Variants in GFM1 observed in about 807,000 individuals in gnomAD.
GFM1 encodes G elongation factor mitochondrial 1, also known as elongation factor G, mitochondrial.
In GFM1, 62 loss-of-function variants were observed where a neutral mutation model predicts 96.2. The ratio of observed to expected loss-of-function variants is 0.64; its 90% confidence interval spans 0.53 to 0.80. The LOEUF (loss-of-function observed/expected upper bound fraction) is 0.80, where lower values mean the gene tolerates loss of function less well. GFM1 is among the 30% of genes least tolerant of loss of function. The pLI, the probability that GFM1 is intolerant of heterozygous loss-of-function variation, is 0.00. For missense variants in GFM1, 852 were observed against 916.6 expected (o/e 0.93, Z 0.91); for synonymous variants, 282 against 312.9 (o/e 0.90, Z 1.04).
intron 14 of GFM1, among the ~76,000 whole-genome samples, chr3:158,682,946 G>T (rs2108098475): frequency 6.6e-6 from 1 of 151,450 alleles, no homozygotes; most frequent in East Asian, 2.0e-4. Context: ...GAGATGGGAG[G>T]ATTGCTTGAG....
At chr3:158,652,315 A>C in intron 6 of GFM1, 69 bp downstream of exon 6, 1 of 1,332,784 alleles carries the variant, frequency 7.5e-7, no homozygotes, top group Non-Finnish European at 1.1e-6. Flanking sequence ...TAGGGAGGGG[A>C]CATGATGCTT....
At chr3:158,653,588 A>G (rs1415201146) in intron 7 of GFM1, 121 bp downstream of exon 7, 8 of 762,108 alleles carry the variant, frequency 1.0e-5, no homozygotes, top group South Asian at 3.4e-5. Context: ...ATTTACAATC[A>G]TGGTTTTTAT....
Position 158,644,595 on chromosome 3 carries a change from C to G in GFM1, c.-40C>G, listed in dbSNP as rs757131337. 6.5e-7 allele frequency: 1 copy of G among 1,534,374 alleles called. No individual in the cohort carries two copies. The highest frequency in any genetic ancestry group is 1.4e-5 in the African/African-American group (1 of 72,894). On this transcript the variant is annotated 5_prime_UTR_variant, in exon 1 of 18. Coordinates refer to ENST00000486715, the MANE Select transcript of GFM1 (RefSeq NM_024996.7). ...GGTGCGTTACCGGCAGCTGAACCCACCCGGCGCCACGGGACTTTGACGCGT... is the reference window on the plus strand; with the variant it reads ...GGTGCGTTACCGGCAGCTGAACCCAGCCGGCGCCACGGGACTTTGACGCGT...
At chr3:158,680,221 G>A (rs7633713) in intron 13 of GFM1, among the ~76,000 whole-genome samples, 26,990 of 152,144 alleles carry the variant, frequency 0.18, 2,458 homozygotes, top group Non-Finnish European at 0.22. Context: ...GGGTAGTGGT[G>A]AAGTCTGGGC....
chr3:158,677,441 G>C lies in GFM1; in HGVS notation c.1602-4554G>C, dbSNP rs528747432. ...AGCAAGTGCTGATGTGGAAGCTGCA[G>C]CAATGATCAGTGGTCTCCTAAGATC... On this transcript the variant is annotated intron_variant, in intron 13 of 17. Transcript: ENST00000486715. Among the ~76,000 whole-genome samples the C allele has an allele frequency of 3.9e-5, 6 of 152,370 alleles. No homozygotes were observed. In the South Asian group the frequency reaches 1.2e-3, roughly 32 times the overall value.
chr3:158,644,918 G>C, intron 1 of GFM1: 1 of 549,436 alleles, frequency 1.8e-6, no homozygotes, highest in Non-Finnish European at 3.4e-6. Context: ...TATCCCTAGG[G>C]TTTAATCAAC....
At chr3:158,685,807 C>A (rs1725788284) in intron 15 of GFM1, among the ~76,000 whole-genome samples, 1 of 152,162 alleles carries the variant, frequency 6.6e-6, no homozygotes, top group Non-Finnish European at 1.5e-5. Flanking sequence ...TATTAGGCAT[C>A]ACTCACATTA....
Position 158,657,994 on chromosome 3 carries a change from T to C in GFM1, c.1084-928T>C, listed in dbSNP as rs180856144. ...TGAAAAATTTCTGTTTTTACCTATT[T>C]ATTCCTCTGAATGAATTTTAAAATC... On this transcript the variant is annotated intron_variant, in intron 8 of 17. Transcript: ENST00000486715. 4.4e-4 allele frequency among the ~76,000 whole-genome samples: 67 copies of C among 152,240 alleles called. 1 individual carries two copies. Among genetic ancestry groups the C allele is most frequent in the Non-Finnish European group, 2.1e-4 (14 of 68,020 alleles).
In GFM1 at chr3:158,694,209, G is replaced by T. The variant is rs938939091; in HGVS notation, c.*2742G>T. On this transcript the variant is annotated 3_prime_UTR_variant, in exon 18 of 18. Transcript: ENST00000486715. ...GCCTATCACTGATAGACTGGATAAA[G>T]AAAATGTGGTACATACACATTGTGG... is the stretch of plus-strand genomic sequence containing the variant. Among the ~76,000 whole-genome samples, 1 of 151,996 alleles carries T rather than the reference G, an allele frequency of 6.6e-6. No homozygotes were observed. Among genetic ancestry groups the T allele is most frequent in the Non-Finnish European group, 1.5e-5 (1 of 68,020 alleles).
chr3:158,650,257 C>A, intron 5 of GFM1: 1 of 592,260 alleles, frequency 1.7e-6, no homozygotes. Flanking sequence ...TTTTGTTTTT[C>A]TTTTTTCCTA....
At chr3:158,690,440 G>A in intron 16 of GFM1, 117 bp downstream of exon 16, 1 of 977,008 alleles carries the variant, frequency 1.0e-6, no homozygotes, top group Non-Finnish European at 1.6e-6. Flanking sequence ...CTTTATACAT[G>A]TGGCATTTTC....
At chr3:158,686,405 T>A (rs925862736) in intron 15 of GFM1, among the ~76,000 whole-genome samples, 1 of 143,890 alleles carries the variant, frequency 6.9e-6, no homozygotes, top group Non-Finnish European at 1.5e-5. Context: ...TATAAAAAAA[T>A]AAAATGTGTA....
Position 158,645,857 on chromosome 3 carries a change from T to G in GFM1, c.234+76T>G, listed in dbSNP as rs1012561436. The G allele has an allele frequency of 5.2e-5, 68 of 1,305,574 alleles. No individual in the cohort carries two copies. In the African/African-American group the frequency reaches 9.1e-4, roughly 18 times the overall value. The allele number at this position is 1,305,574 out of a possible 1,614,324, so 80.9% of individuals were successfully genotyped here. A position where few individuals can be genotyped will look rare whatever the true frequency, so the allele number is the denominator to read the frequency against. On this transcript the variant is annotated intron_variant, in intron 2 of 17. Coordinates refer to ENST00000486715, the MANE Select transcript of GFM1 (RefSeq NM_024996.7). ...TTTGTTGCTATTATTTAATAAAGCT[T>G]ATAAACCTGAAAGATTAAAACAATG...
In GFM1 at chr3:158,693,998, T is replaced by A. The variant is rs1169134803; in HGVS notation, c.*2531T>A. On this transcript the variant is annotated 3_prime_UTR_variant, in exon 18 of 18. Transcript: ENST00000486715. Reference sequence around the variant, plus strand: ...TCTTTTGTGTGATATTAGAGTTTGGTTTTTTTGTTTAACAACTGTTTTTTT... The same window carrying A: ...TCTTTTGTGTGATATTAGAGTTTGGATTTTTTGTTTAACAACTGTTTTTTT... Among the ~76,000 whole-genome samples the A allele has an allele frequency of 6.6e-6, 1 of 152,056 alleles. No homozygotes were observed. The highest frequency in any genetic ancestry group is 1.5e-5 in the Non-Finnish European group (1 of 68,012).
intron 12 of GFM1, among the ~76,000 whole-genome samples, chr3:158,666,066 G>A (rs946452691): frequency 6.6e-6 from 1 of 152,148 alleles, no homozygotes; most frequent in Non-Finnish European, 1.5e-5. Flanking sequence ...TTAGTGGTTA[G>A]ATTAATTGGA....
intron 15 of GFM1, among the ~76,000 whole-genome samples, chr3:158,685,641 T>G (rs1725775056): frequency 6.6e-6 from 1 of 152,190 alleles, no homozygotes; most frequent in East Asian, 1.9e-4. Flanking sequence ...CTTATTTTAC[T>G]TATGTTTCAG....
At chr3:158,680,908 T>A (rs1014864883) in intron 13 of GFM1, among the ~76,000 whole-genome samples, 1 of 152,178 alleles carries the variant, frequency 6.6e-6, no homozygotes, top group Admixed American at 6.5e-5. Context: ...GGAAATCTTT[T>A]AATTTAAATG....
In GFM1 at chr3:158,654,608, G is replaced by T. The variant is rs774849214; in HGVS notation, c.1060G>T (p.Val354Leu). Residue 354 changes from valine (V) to leucine (L), a missense_variant, in exon 8 of 18, where the codon GTA (valine) becomes TTA (leucine). Coordinates refer to ENST00000486715, the MANE Select transcript of GFM1 (RefSeq NM_024996.7). ...CAGTAGAGACAATTCCCACCCATTTGTAGGCCTGGCTTTTAAACTGGAGGT... is the reference window on the plus strand; with the variant it reads ...CAGTAGAGACAATTCCCACCCATTTTTAGGCCTGGCTTTTAAACTGGAGGT... ...NSSRDNSHPF[V>L]GLAFKLEVGR... The T allele has an allele frequency of 6.2e-7, 1 of 1,612,684 alleles. No individual in the cohort carries two copies. The highest frequency in any genetic ancestry group is 8.5e-7 in the Non-Finnish European group (1 of 1,178,950).
chr3:158,690,354 TTTTA>T (rs1303105877), intron 16 of GFM1, 31 bp downstream of exon 16: 1 of 1,599,690 alleles, frequency 6.3e-7, no homozygotes, highest in Non-Finnish European at 8.6e-7. Flanking sequence ...GCAGTCCTGC[TTTTA>T]TTAACCATAG....
Sources: allele counts gnomAD v4.1 joint callset (sites outside exome capture counted in the v4.1 genomes callset), GRCh38; gene constraint gnomAD v4.1.1; transcripts MANE v1.5; gene names NCBI Gene and HGNC (gene_info 2026-07-23, HGNC 2026-07-21).